The following UBTD2 variants were observed in gnomAD, a reference collection of about 807,000 sequenced individuals.
UBTD2 encodes the protein ubiquitin domain-containing protein 2.
A neutral mutation model predicts 19.8 loss-of-function variants in UBTD2; 9 were observed. That is an observed-to-expected ratio of 0.46 (90% confidence interval 0.27 to 0.79). The LOEUF is 0.79. Ranked by LOEUF, UBTD2 falls within the 30% of genes least tolerant of loss-of-function variation. The pLI, the probability that UBTD2 is intolerant of heterozygous loss-of-function variation, is 0.14. For synonymous variants in UBTD2, 98 were observed against 103.9 expected, an observed-to-expected ratio of 0.94 and a Z score of 0.35; for missense variants, 250 against 300.4, an observed-to-expected ratio of 0.83 and a Z score of 1.24.
chr5:172,275,445 C>T (rs776002352), intron 1 of UBTD2, among the ~76,000 whole-genome samples: 2 of 152,166 alleles, frequency 1.3e-5, no homozygotes, highest in Non-Finnish European at 2.9e-5. Flanking sequence ...AAGAATGATC[C>T]GTTCTAAATA....
rs1771963768 is a variant in UBTD2, at chr5:172,234,213, A to G, written c.216T>C (p.Asp72=). The G allele has an allele frequency of 6.2e-7, 1 of 1,614,086 alleles. No homozygotes were observed. The highest frequency in any genetic ancestry group is 2.2e-5 in the East Asian group (1 of 44,894). The change falls in exon 2 of 3, where the codon GAT becomes GAC. Residue 72 remains aspartate (D), a synonymous_variant. Coordinates refer to ENST00000393792, the MANE Select transcript of UBTD2 (RefSeq NM_152277.3). Reference sequence around the variant, plus strand: ...AAGCATGTGCAGCAGCCTTCAAGGCATCCCAAATCTCTTTCCGGCCTTCAA... The same window carrying G: ...AAGCATGTGCAGCAGCCTTCAAGGCGTCCCAAATCTCTTTCCGGCCTTCAA... ...PAFEGRKEIW[D]ALKAAAHAFE... is the part of the protein sequence containing the mutation.
chr5:172,236,337 CTTTA>C (rs1342632062), intron 1 of UBTD2, among the ~76,000 whole-genome samples: 1 of 152,210 alleles, frequency 6.6e-6, no homozygotes, highest in Non-Finnish European at 1.5e-5. Context: ...ATCCAAGTCT[CTTTA>C]TTTAATCAAC....
At position 172,234,386 on chromosome 5, in the gene UBTD2, C is replaced by T. The variant is rs770199946; in HGVS notation, c.71-28G>A. 16 of 1,582,432 alleles carry T rather than the reference C, an allele frequency of 1.0e-5. No homozygotes were observed. The South Asian group carries it at 1.8e-4, about 18-fold the overall frequency. ...GAAAAGAAAAATAAAAGACTGAGAT[C>T]AAACCCAAAATTTATAAAATATGTA... On this transcript the variant is annotated intron_variant, in intron 1 of 2. Coordinates refer to ENST00000393792, the MANE Select transcript of UBTD2 (RefSeq NM_152277.3).
In UBTD2 at chr5:172,248,788, G is replaced by C. The variant is rs72845201; in HGVS notation, c.71-14430C>G. ...AAAAAAAAAAAAAATTAATTAAAAA[G>C]ATTAGTTGGGTGTGGTGGCATGTGC... On this transcript the variant is annotated intron_variant, in intron 1 of 2. Transcript: ENST00000393792. Among the ~76,000 whole-genome samples, 1,115 of 151,248 alleles carry C rather than the reference G, an allele frequency of 7.4e-3. 7 individuals carry two copies. The highest frequency in any genetic ancestry group is 0.012 in the Non-Finnish European group (830 of 67,748).
intron 1 of UBTD2, among the ~76,000 whole-genome samples, chr5:172,240,261 T>C (rs909866569): frequency 6.6e-6 from 1 of 152,202 alleles, no homozygotes; most frequent in African/African-American, 2.4e-5. Context: ...GGCCTATCAC[T>C]TTCAACTTAT....
chr5:172,254,912 T>TTCCTCC (rs750302248), intron 1 of UBTD2: 3 of 494,878 alleles, frequency 6.1e-6, no homozygotes, highest in Non-Finnish European at 1.2e-5. Flanking sequence ...GGAAGACCTC[T>TTCCTCC]TCCTCCTCCT....
chr5:172,229,919 AT>A (rs35186505), intron 2 of UBTD2, among the ~76,000 whole-genome samples: 4 of 152,198 alleles, frequency 2.6e-5, no homozygotes, highest in Admixed American at 2.6e-4. Context: ...TATTAAGAAT[AT>A]TTTTAGGATT....
intron 2 of UBTD2, among the ~76,000 whole-genome samples, chr5:172,217,618 TG>T (rs1480279396): frequency 2.0e-5 from 3 of 152,082 alleles, no homozygotes; most frequent in African/African-American, 4.8e-5. Context: ...CATGAGTAGC[TG>T]GAACTACAGG....
At chr5:172,248,465 G>A (rs779115325) in intron 1 of UBTD2, among the ~76,000 whole-genome samples, 10 of 152,010 alleles carry the variant, frequency 6.6e-5, no homozygotes, top group African/African-American at 2.2e-4. Context: ...GCACACCCCC[G>A]TAGTCCCAGC....
At position 172,218,901 on chromosome 5, in the gene UBTD2, C is replaced by A. The variant is rs10050457; in HGVS notation, c.308-6674G>T. On this transcript the variant is annotated intron_variant, in intron 2 of 2. Transcript: ENST00000393792. ...GGTCAATAAAATTGGTAAGCCTCTA[C>A]CCAGGCTAGCCAAGAAAAAAAGAGG... 9.5e-3 allele frequency among the ~76,000 whole-genome samples: 1,442 copies of A among 151,002 alleles called. 31 individuals are homozygous for A. The highest frequency in any genetic ancestry group is 0.033 in the African/African-American group (1,353 of 41,196).
intron 2 of UBTD2, among the ~76,000 whole-genome samples, chr5:172,216,124 G>A (rs1251636128): frequency 6.6e-6 from 1 of 151,846 alleles, no homozygotes; most frequent in South Asian, 2.1e-4. Context: ...CTGAGATTGC[G>A]CCACTGCACT....
In UBTD2 at chr5:172,211,332, T is replaced by C. The variant is rs945486557; in HGVS notation, c.*498A>G. ...AGAAGCAACCTCAAATACTGCTCTT[T>C]TCAGTTTCCATTAACCAAAACAAAA... On this transcript the variant is annotated 3_prime_UTR_variant, in exon 3 of 3. Coordinates refer to ENST00000393792, the MANE Select transcript of UBTD2 (RefSeq NM_152277.3). The C allele has an allele frequency of 6.9e-6, 1 of 144,994 alleles. No homozygotes were observed. Among genetic ancestry groups the C allele is most frequent in the African/African-American group, 2.6e-5 (1 of 38,230 alleles). 9.0% of individuals were successfully genotyped at this position (144,994 alleles called of 1,614,324 possible).
rs1391924655 is a variant in UBTD2 at position 172,263,112 on chromosome 5, G to C, written c.70+20484C>G. On this transcript the variant is annotated intron_variant, in intron 1 of 2. Transcript: ENST00000393792. ...ACCACCACACCTAGTTAATTTTTTT[G>C]TACAGACAGGGTTTCGCCATGTTGC... Among the ~76,000 whole-genome samples, 5 of 151,844 alleles carry C rather than the reference G, an allele frequency of 3.3e-5. 1 individual carries two copies. The highest frequency in any genetic ancestry group is 1.2e-4 in the African/African-American group (5 of 41,310).
At chr5:172,262,668 A>G (rs1386382311) in intron 1 of UBTD2, among the ~76,000 whole-genome samples, 4 of 151,636 alleles carry the variant, frequency 2.6e-5, no homozygotes, top group Admixed American at 6.6e-5. Flanking sequence ...AAAAAAAATT[A>G]GCCAGGCGTG....
intron 1 of UBTD2, among the ~76,000 whole-genome samples, chr5:172,249,958 T>C (rs893927145): frequency 2.6e-5 from 4 of 152,214 alleles, no homozygotes; most frequent in Non-Finnish European, 5.9e-5. Flanking sequence ...GAAGAGACAC[T>C]GAAAGGTTTC....
At chr5:172,281,337 A>G (rs930617779) in intron 1 of UBTD2, among the ~76,000 whole-genome samples, 2 of 151,934 alleles carry the variant, frequency 1.3e-5, no homozygotes, top group African/African-American at 4.8e-5. Context: ...TCTACTAAAA[A>G]TTTTTTAAAA....
In UBTD2 at chr5:172,209,715, G is replaced by A. The variant is rs1426517217; in HGVS notation, c.*2115C>T. On this transcript the variant is annotated 3_prime_UTR_variant, in exon 3 of 3. Coordinates refer to ENST00000393792, the MANE Select transcript of UBTD2 (RefSeq NM_152277.3). ...TACATACTAAAATTATACACATCAA[G>A]TACTGGTCCAATCTTATATCAATCT... The A allele has an allele frequency of 1.3e-5, 2 of 149,724 alleles. No homozygotes were observed. Among genetic ancestry groups the A allele is most frequent in the Non-Finnish European group, 3.0e-5 (2 of 67,706 alleles). The allele number at this position is 149,724 out of a possible 1,614,324, so 9.3% of individuals were successfully genotyped here.
At chr5:172,253,387 A>G (rs986829377) in intron 1 of UBTD2, among the ~76,000 whole-genome samples, 2 of 152,148 alleles carry the variant, frequency 1.3e-5, no homozygotes, top group Non-Finnish European at 2.9e-5. Context: ...TATTTCCTCA[A>G]ATTAAGTCCT....
chr5:172,255,654 C>T (rs543642303), intron 1 of UBTD2, among the ~76,000 whole-genome samples: 7 of 152,168 alleles, frequency 4.6e-5, no homozygotes, highest in African/African-American at 1.7e-4. Flanking sequence ...ACACGAGGCT[C>T]CCCTCTGGCT....
Sources: gnomAD v4.1 joint callset for allele counts (sites outside exome capture counted in the v4.1 genomes callset) on GRCh38, gnomAD v4.1.1 for gene constraint, MANE v1.5 for transcripts, NCBI Gene and HGNC (gene_info 2026-07-23, HGNC 2026-07-21) for gene names.